PDE3A: variants seen among roughly 807,000 people sequenced by gnomAD.
PDE3A encodes phosphodiesterase 3A.
In PDE3A, 43 loss-of-function variants were observed where a neutral mutation model predicts 98.3. The observed-to-expected ratio is 0.44, with a 90% confidence interval of 0.34 to 0.56. PDE3A has a LOEUF of 0.56. Ranked by LOEUF, PDE3A falls within the 20% of genes least tolerant of loss-of-function variation. The pLI, the probability that PDE3A is intolerant of heterozygous loss-of-function variation, is 0.01. For missense variants in PDE3A, 1,427 were observed against 1,440.7 expected, an observed-to-expected ratio of 0.99 and a Z score of 0.15; for synonymous variants, 663 against 567.9, an observed-to-expected ratio of 1.17 and a Z score of -2.38.
At chr12:20,377,900 C>G (rs996462733) in intron 1 of PDE3A, among the ~76,000 whole-genome samples, 13 of 151,652 alleles carry the variant, frequency 8.6e-5, no homozygotes, top group African/African-American at 3.1e-4. Flanking sequence ...GTAAACACAA[C>G]ACATGTTCAT....
At chr12:20,668,524 C>A (rs912250120) in intron 15 of PDE3A, among the ~76,000 whole-genome samples, 8 of 152,350 alleles carry the variant, frequency 5.3e-5, no homozygotes, top group African/African-American at 1.9e-4. Context: ...ACTGCCTCCT[C>A]AAGTGGGTCC....
chr12:20,434,924 A>G (rs1429254797), intron 1 of PDE3A, among the ~76,000 whole-genome samples: 1 of 152,222 alleles, frequency 6.6e-6, no homozygotes, highest in East Asian at 1.9e-4. Context: ...GCAACTTTTC[A>G]TTCATATTAA....
intron 2 of PDE3A, among the ~76,000 whole-genome samples, chr12:20,577,642 T>G (rs1251604564): frequency 1.3e-5 from 2 of 152,192 alleles, no homozygotes; most frequent in African/African-American, 4.8e-5. Flanking sequence ...TTCATTATGT[T>G]GAACTAGTCA....
chr12:20,646,217 A>G (rs1357127079), intron 10 of PDE3A, among the ~76,000 whole-genome samples: 3 of 152,332 alleles, frequency 2.0e-5, no homozygotes, highest in Non-Finnish European at 4.4e-5. Flanking sequence ...TGTTTCCTAT[A>G]TACATAGTTT....
rs746440023 is a variant in PDE3A, at chr12:20,485,201, A to T, written c.961-71459A>T. Among the ~76,000 whole-genome samples, 68 of 152,160 alleles carry T rather than the reference A, an allele frequency of 4.5e-4. 1 individual carries two copies. Among genetic ancestry groups the T allele is most frequent in the Non-Finnish European group, 1.0e-4 (7 of 68,028 alleles). The stretch of plus-strand genomic sequence containing the variant: ...GGTTCTTTCTGAGGGCTGCGAGGGA[A>T]AATCTATTCTGTGCCTCTCTCCTAG... On this transcript the variant is annotated intron_variant, in intron 1 of 15. Coordinates refer to ENST00000359062, the MANE Select transcript of PDE3A (RefSeq NM_000921.5).
At chr12:20,490,007 T>A (rs973978723) in intron 1 of PDE3A, among the ~76,000 whole-genome samples, 1 of 152,158 alleles carries the variant, frequency 6.6e-6, no homozygotes, top group Non-Finnish European at 1.5e-5. Flanking sequence ...TTTCTATACC[T>A]AGAGATGGGG....
intron 2 of PDE3A, among the ~76,000 whole-genome samples, chr12:20,573,719 AT>A (rs1942859541): frequency 1.3e-5 from 2 of 152,112 alleles, no homozygotes; most frequent in Admixed American, 1.3e-4. Flanking sequence ...ACTGATGCTA[AT>A]TATGATCATT....
At position 20,604,451 on chromosome 12, in the gene PDE3A, A is replaced by C. The variant is rs75052602; in HGVS notation, c.1012-8992A>C. On this transcript the variant is annotated intron_variant, in intron 2 of 15. Coordinates refer to ENST00000359062, the MANE Select transcript of PDE3A (RefSeq NM_000921.5). ...AACTTCCCACATACACAACCTTACA[A>C]ATTATATATATGACAAAAATATGTT... 7.8e-3 allele frequency among the ~76,000 whole-genome samples: 1,193 copies of C among 152,202 alleles called. 6 individuals are homozygous for C. The highest frequency in any genetic ancestry group is 0.017 in the Middle Eastern group (5 of 294).
At chr12:20,391,649 G>T (rs2120611331) in intron 1 of PDE3A, among the ~76,000 whole-genome samples, 1 of 151,590 alleles carries the variant, frequency 6.6e-6, no homozygotes, top group Middle Eastern at 3.4e-3. Context: ...TTGTATCACA[G>T]GATTGGAGGG....
rs987854387 is a variant in PDE3A, at chr12:20,683,248, G to GTGAC, written c.*2978_*2981dup. The GTGAC allele has an allele frequency of 6.6e-5, 10 of 152,010 alleles. No individual in the cohort carries two copies. Among genetic ancestry groups the GTGAC allele is most frequent in the African/African-American group, 2.2e-4 (9 of 41,394 alleles). 9.4% of individuals were successfully genotyped at this position (152,010 alleles called of 1,614,324 possible). A position where few individuals can be genotyped will look rare whatever the true frequency, so the allele number is the denominator to read the frequency against. On this transcript the variant is annotated 3_prime_UTR_variant, in exon 16 of 16. Transcript: ENST00000359062. ...GCCAGTAGAGTTCTCCCCCTTTTTG[G>GTGAC]TGACAGCAATATTATTATGTTCACA...
chr12:20,616,122 A>C, intron 3 of PDE3A, 108 bp from the exon 4 acceptor site: 2 of 968,840 alleles, frequency 2.1e-6, no homozygotes, highest in Non-Finnish European at 1.5e-6. Context: ...AAACCAATGT[A>C]ATTTAGTCAA....
At chr12:20,434,242 A>G (rs1432335380) in intron 1 of PDE3A, among the ~76,000 whole-genome samples, 2 of 151,646 alleles carry the variant, frequency 1.3e-5, no homozygotes, top group East Asian at 3.9e-4. Flanking sequence ...TTTGCTCATG[A>G]CTACTGATTG....
intron 2 of PDE3A, among the ~76,000 whole-genome samples, chr12:20,574,247 G>A (rs73233962): frequency 0.025 from 3,873 of 152,158 alleles, 165 homozygotes; most frequent in African/African-American, 0.09. Flanking sequence ...CTGCACATCT[G>A]TGAAAGCAAA....
chr12:20,598,422 A>T (rs1054451077), intron 2 of PDE3A, among the ~76,000 whole-genome samples: 1 of 152,050 alleles, frequency 6.6e-6, no homozygotes, highest in Non-Finnish European at 1.5e-5. Flanking sequence ...GACCTCAAGT[A>T]ATCTGCCTGG....
chr12:20,665,717 C>G (rs530692901), intron 15 of PDE3A, among the ~76,000 whole-genome samples: 3 of 152,078 alleles, frequency 2.0e-5, no homozygotes, highest in Admixed American at 1.3e-4. Context: ...AATTCTTCGT[C>G]TACACTTGAT....
chr12:20,384,099 T>C (rs1056384003), intron 1 of PDE3A, among the ~76,000 whole-genome samples: 7 of 151,930 alleles, frequency 4.6e-5, no homozygotes, highest in African/African-American at 1.2e-4. Flanking sequence ...AGAGTTCCTT[T>C]AATGTTTTCT....
intron 1 of PDE3A, among the ~76,000 whole-genome samples, chr12:20,550,747 T>A (rs1481956294): frequency 6.6e-6 from 1 of 152,044 alleles, no homozygotes; most frequent in Non-Finnish European, 1.5e-5. Context: ...AGCTTAAAAT[T>A]CATTAAATTA....
At chr12:20,581,721 T>C (rs1943072434) in intron 2 of PDE3A, among the ~76,000 whole-genome samples, 3 of 150,024 alleles carry the variant, frequency 2.0e-5, no homozygotes, top group Admixed American at 6.6e-5. Context: ...CACGCCATTC[T>C]CCTGCCTCAG....
In PDE3A at chr12:20,556,690, C is replaced by A; in HGVS notation, c.991C>A (p.Arg331=). The change falls in exon 2 of 16, where the codon CGA becomes AGA. Residue 331 remains arginine (R), a synonymous_variant. Transcript: ENST00000359062. ...LMGHSEWDHK[R]GPRGSQSSGT... is the part of the protein sequence containing the mutation. Reference sequence around the variant, plus strand: ...GGGGCATTCAGAATGGGACCACAAACGAGGGCCAAGAGGATCACAGGTAAG... The same window carrying A: ...GGGGCATTCAGAATGGGACCACAAAAGAGGGCCAAGAGGATCACAGGTAAG... 6.2e-7 allele frequency: 1 copy of A among 1,609,626 alleles called. No individual in the cohort carries two copies. The highest frequency in any genetic ancestry group is 8.5e-7 in the Non-Finnish European group (1 of 1,176,114).
Sources: gnomAD v4.1 joint callset for allele counts (sites outside exome capture counted in the v4.1 genomes callset) on GRCh38, gnomAD v4.1.1 for gene constraint, MANE v1.5 for transcripts, NCBI Gene and HGNC (gene_info 2026-07-23, HGNC 2026-07-21) for gene names.